CTNNA1: variants seen among roughly 807,000 people sequenced by gnomAD.
The protein encoded by CTNNA1 is catenin alpha 1, also known as catenin alpha-1.
Under a neutral mutation model 98.4 loss-of-function variants are expected in CTNNA1, and 37 were observed. The observed-to-expected ratio is 0.38, with a 90% confidence interval of 0.29 to 0.49. The LOEUF is 0.49. Among genes scored for constraint, CTNNA1 ranks in the 20% least tolerant of loss-of-function variants. The probability of loss-of-function intolerance (pLI) is 0.95; values close to 1 mark genes in which losing one functional copy is unlikely to be tolerated. For synonymous variants in CTNNA1, 404 were observed against 413.2 expected, an observed-to-expected ratio of 0.98 and a Z score of 0.27; for missense variants, 761 against 1,147.2, an observed-to-expected ratio of 0.66 and a Z score of 4.86.
Position 138,850,784 on chromosome 5 carries a change from T to TC in CTNNA1, c.1062+23067dup, listed in dbSNP as rs199831036. On this transcript the variant is annotated intron_variant, in intron 7 of 17. Coordinates refer to ENST00000302763, the MANE Select transcript of CTNNA1 (RefSeq NM_001903.5). ...GTTCTTTCTTAATTTTTACTGAGGCTCTCTGGTTTTAGAGCCCAAAGATGG... is the reference window on the plus strand; with the variant it reads ...GTTCTTTCTTAATTTTTACTGAGGCTCCTCTGGTTTTAGAGCCCAAAGATGG... Among the ~76,000 whole-genome samples the TC allele has an allele frequency of 4.8e-3, 729 of 152,340 alleles. 3 individuals carry two copies. The highest frequency in any genetic ancestry group is 0.015 in the African/African-American group (615 of 41,574).
intron 7 of CTNNA1, among the ~76,000 whole-genome samples, chr5:138,877,045 A>G (rs147527899): frequency 6.6e-6 from 1 of 152,340 alleles, no homozygotes; most frequent in African/African-American, 2.4e-5. Context: ...TGTGGTTCTT[A>G]GACACATTTT....
chr5:138,799,765 A>G (rs542896376), intron 3 of CTNNA1, among the ~76,000 whole-genome samples: 2 of 151,878 alleles, frequency 1.3e-5, no homozygotes, highest in South Asian at 2.1e-4. Context: ...TGTGTTTCTG[A>G]TGTATTTTTT....
At chr5:138,867,123 G>A (rs577924231) in intron 7 of CTNNA1, among the ~76,000 whole-genome samples, 28 of 152,342 alleles carry the variant, frequency 1.8e-4, no homozygotes, top group Middle Eastern at 3.4e-3. Flanking sequence ...TCAAGTATAG[G>A]AATGTGTTCC....
At chr5:138,927,595 A>G (rs1226142759) in intron 13 of CTNNA1, among the ~76,000 whole-genome samples, 1 of 151,642 alleles carries the variant, frequency 6.6e-6, no homozygotes, top group African/African-American at 2.4e-5. Context: ...TTGATGTGTC[A>G]TATAATTCAT....
Position 138,900,254 on chromosome 5 carries a change from G to C in CTNNA1, c.1297-4095G>C, listed in dbSNP as rs1300826115. On this transcript the variant is annotated intron_variant, in intron 9 of 17. Transcript: ENST00000302763. ...AGCTTGGCCCAGGGGCACAGGGGAAGAGATGAATGTTTTGAACTCTGTTCC... is the reference window on the plus strand; with the variant it reads ...AGCTTGGCCCAGGGGCACAGGGGAACAGATGAATGTTTTGAACTCTGTTCC... 3.3e-5 allele frequency among the ~76,000 whole-genome samples: 5 copies of C among 152,320 alleles called. No individual in the cohort carries two copies. The East Asian group carries it at 9.6e-4, about 29-fold the overall frequency.
chr5:138,909,573 A>G (rs1440199731), intron 10 of CTNNA1, among the ~76,000 whole-genome samples: 1 of 152,132 alleles, frequency 6.6e-6, no homozygotes, highest in East Asian at 1.9e-4. Context: ...TCCTGAGGTC[A>G]GGTGATCCTC....
chr5:138,769,541 A>AT (rs1240164111), intron 1 of CTNNA1, among the ~76,000 whole-genome samples: 3 of 149,692 alleles, frequency 2.0e-5, no homozygotes, highest in South Asian at 2.1e-4. Context: ...ATTTTATTTT[A>AT]TTTTTTTTGA....
chr5:138,762,530 G>A (rs1321374471), intron 1 of CTNNA1, among the ~76,000 whole-genome samples: 1 of 151,708 alleles, frequency 6.6e-6, no homozygotes, highest in African/African-American at 2.4e-5. Context: ...CCATGTGGAA[G>A]TATGCCACAA....
intron 3 of CTNNA1, among the ~76,000 whole-genome samples, chr5:138,806,034 A>G (rs1758048548): frequency 6.6e-6 from 1 of 152,162 alleles, no homozygotes; most frequent in Non-Finnish European, 1.5e-5. Context: ...TAGCTCTAAC[A>G]TTTAGGTTTT....
intron 9 of CTNNA1, among the ~76,000 whole-genome samples, chr5:138,889,073 A>C (rs1754761107): frequency 6.6e-6 from 1 of 152,242 alleles, no homozygotes; most frequent in Admixed American, 6.5e-5. Context: ...CACAATAGTC[A>C]CATGACAGCA....
At chr5:138,799,890 A>ATG (rs1223498251) in intron 3 of CTNNA1, among the ~76,000 whole-genome samples, 25 of 138,778 alleles carry the variant, frequency 1.8e-4, no homozygotes, top group African/African-American at 7.9e-4. Context: ...GTATGTATGT[A>ATG]TGTGTGTGTG....
intron 1 of CTNNA1, among the ~76,000 whole-genome samples, chr5:138,771,757 G>A (rs1299859732): frequency 6.6e-6 from 1 of 152,200 alleles, no homozygotes; most frequent in Non-Finnish European, 1.5e-5. Flanking sequence ...TGTTAACTCT[G>A]CTTGATGCAG....
intron 3 of CTNNA1, among the ~76,000 whole-genome samples, chr5:138,806,256 T>C (rs1758068994): frequency 6.6e-6 from 1 of 152,194 alleles, no homozygotes; most frequent in South Asian, 2.1e-4. Context: ...CTTACAAGTC[T>C]GGCCTTCTTG....
intron 7 of CTNNA1, among the ~76,000 whole-genome samples, chr5:138,837,590 T>TCTCTCTC (rs571400938): frequency 1.4e-5 from 2 of 141,800 alleles, no homozygotes; most frequent in East Asian, 2.2e-4. Flanking sequence ...CTCTCTCTTC[T>TCTCTCTC]CTCTCTCCTC....
At chr5:138,763,273 A>G (rs1190206900) in intron 1 of CTNNA1, among the ~76,000 whole-genome samples, 28 of 152,218 alleles carry the variant, frequency 1.8e-4, no homozygotes, top group Non-Finnish European at 1.6e-4. Context: ...GCCCATTTCA[A>G]GTTAATTGAA....
At chr5:138,908,703 A>T (rs565849335) in intron 10 of CTNNA1, among the ~76,000 whole-genome samples, 146 of 152,254 alleles carry the variant, frequency 9.6e-4, no homozygotes, top group African/African-American at 3.0e-3. Context: ...AGGAAGAAGT[A>T]ATCTAAAAGT....
intron 7 of CTNNA1, chr5:138,870,732 A>G (rs1000132696): frequency 6.6e-6 from 1 of 152,218 alleles, no homozygotes; most frequent in Admixed American, 6.5e-5. Flanking sequence ...GTTGTGACCA[A>G]GCTGTCTGTC....
chr5:138,924,212 A>T (rs1763488679), intron 11 of CTNNA1, among the ~76,000 whole-genome samples: 1 of 152,124 alleles, frequency 6.6e-6, no homozygotes, highest in Admixed American at 6.5e-5. Flanking sequence ...TCTGCCAGAA[A>T]ATTACAGAAC....
Position 138,932,723 on chromosome 5 carries a change from G to C in CTNNA1, c.2433+11G>C, listed in dbSNP as rs780406600. 6 of 1,613,888 alleles carry C rather than the reference G, an allele frequency of 3.7e-6. No homozygotes were observed. In the African/African-American group the frequency reaches 8.0e-5, roughly 22 times the overall value. On this transcript the variant is annotated intron_variant, in intron 17 of 17. Coordinates refer to ENST00000302763, the MANE Select transcript of CTNNA1 (RefSeq NM_001903.5). ...CTTGTTGTCTCTGGGGTAAGCATTA[G>C]CTGAACAAAAAGAGGGCCAGTGGGA...
Sources: gnomAD v4.1 joint callset for allele counts (sites outside exome capture counted in the v4.1 genomes callset) on GRCh38, gnomAD v4.1.1 for gene constraint, MANE v1.5 for transcripts, NCBI Gene and HGNC (gene_info 2026-07-23, HGNC 2026-07-21) for gene names.